CERT1: variants seen among roughly 807,000 people sequenced by gnomAD.
The protein encoded by CERT1 is ceramide transporter 1.
In CERT1, 31 loss-of-function variants were observed where a neutral mutation model predicts 87.9. The ratio of observed to expected loss-of-function variants is 0.35; its 90% CI spans 0.27 to 0.48. The LOEUF (loss-of-function observed/expected upper bound fraction) is 0.48, where lower values mean the gene tolerates loss of function less well. CERT1 is among the 20% of genes least tolerant of loss of function. CERT1 has a pLI of 0.99. For synonymous variants in CERT1, 289 were observed against 250.9 expected (o/e 1.15, Z -1.44); for missense variants, 487 against 758.0 (o/e 0.64, Z 4.20).
At chr5:75,490,046 G>C (rs1285474149) in intron 2 of CERT1, among the ~76,000 whole-genome samples, 1 of 152,198 alleles carries the variant, frequency 6.6e-6, no homozygotes, top group Non-Finnish European at 1.5e-5. Context: ...GTCCTTTGTA[G>C]GGACATGGAT....
chr5:75,487,417 G>T (rs1007543748), intron 2 of CERT1, among the ~76,000 whole-genome samples: 21 of 152,012 alleles, frequency 1.4e-4, no homozygotes, highest in African/African-American at 5.1e-4. Flanking sequence ...CATTGTACTG[G>T]TCAAAGATTT....
intron 9 of CERT1, 191 bp from the exon 10 acceptor site, chr5:75,400,488 T>C: frequency 1.9e-6 from 1 of 518,424 alleles, no homozygotes. Flanking sequence ...CAATTTAACC[T>C]CTTCTTTCTG....
At chr5:75,432,377 C>A (rs1222413053) in intron 3 of CERT1, among the ~76,000 whole-genome samples, 1 of 152,134 alleles carries the variant, frequency 6.6e-6, no homozygotes, top group Non-Finnish European at 1.5e-5. Context: ...TCTCTGCAAC[C>A]TCACCAACAT....
At chr5:75,426,293 C>A in intron 4 of CERT1, 78 bp downstream of exon 4, 2 of 909,714 alleles carry the variant, frequency 2.2e-6, no homozygotes, top group African/African-American at 1.7e-5. Context: ...AAAAAATTAT[C>A]ACATATGTTC....
chr5:75,511,347 G>T lies in CERT1; in HGVS notation c.-140C>A, dbSNP rs993938595. 5 of 1,543,300 alleles carry T rather than the reference G, an allele frequency of 3.2e-6. No individual in the cohort carries two copies. The East Asian group carries it at 9.8e-5, about 30-fold the overall frequency. The stretch of plus-strand genomic sequence containing the variant: ...CGGTGTGGGGGGGAGCAGGAGGAGG[G>T]ACGAAGTCCGCCCGCCGCGCCGCCG... On this transcript the variant is annotated 5_prime_UTR_variant, in exon 1 of 17. Coordinates refer to ENST00000643780, the MANE Select transcript of CERT1 (RefSeq NM_001379029.1).
intron 11 of CERT1, among the ~76,000 whole-genome samples, chr5:75,390,382 T>C (rs946348523): frequency 6.6e-6 from 1 of 152,214 alleles, no homozygotes; most frequent in African/African-American, 2.4e-5. Flanking sequence ...CTAATATTCA[T>C]ATATGCAAGC....
chr5:75,443,340 G>A (rs957251349), intron 3 of CERT1, among the ~76,000 whole-genome samples: 3 of 151,976 alleles, frequency 2.0e-5, no homozygotes, highest in African/African-American at 7.3e-5. Flanking sequence ...AGTGTTTATG[G>A]CTATATTTCT....
intron 5 of CERT1, among the ~76,000 whole-genome samples, chr5:75,421,541 AT>A (rs1049381581): frequency 1.3e-5 from 2 of 152,114 alleles, no homozygotes; most frequent in African/African-American, 4.8e-5. Context: ...GCATATCTTG[AT>A]TACCAGTGAA....
At chr5:75,380,286 C>T (rs1761509316) in intron 16 of CERT1, among the ~76,000 whole-genome samples, 1 of 152,070 alleles carries the variant, frequency 6.6e-6, no homozygotes, top group Non-Finnish European at 1.5e-5. Context: ...TAGGGAAACG[C>T]TGACTCAGAA....
chr5:75,414,438 C>T (rs1763060163), intron 7 of CERT1, among the ~76,000 whole-genome samples: 1 of 152,050 alleles, frequency 6.6e-6, no homozygotes, highest in Non-Finnish European at 1.5e-5. Flanking sequence ...AAATGCACAG[C>T]ACAGCAATAA....
chr5:75,501,770 A>G (rs1055790295), intron 2 of CERT1, among the ~76,000 whole-genome samples: 15 of 152,220 alleles, frequency 9.9e-5, no homozygotes, highest in Admixed American at 5.2e-4. Context: ...TAATGCTACC[A>G]GGATACATAA....
intron 3 of CERT1, among the ~76,000 whole-genome samples, chr5:75,438,838 G>T (rs1203067529): frequency 6.6e-6 from 1 of 151,682 alleles, no homozygotes; most frequent in Non-Finnish European, 1.5e-5. Context: ...AGCACTTACT[G>T]AAACACCTCC....
chr5:75,500,999 T>G (rs1767340061), intron 2 of CERT1, among the ~76,000 whole-genome samples: 1 of 151,798 alleles, frequency 6.6e-6, no homozygotes, highest in East Asian at 1.9e-4. Flanking sequence ...TTTTTGTTTT[T>G]TTTTTTTGAG....
intron 5 of CERT1, among the ~76,000 whole-genome samples, chr5:75,421,961 C>T (rs1394496306): frequency 6.6e-6 from 1 of 152,128 alleles, no homozygotes; most frequent in Non-Finnish European, 1.5e-5. Context: ...TTGTTTTCCC[C>T]TTTCTGCTGT....
chr5:75,459,427 A>G (rs547134008), intron 2 of CERT1, among the ~76,000 whole-genome samples: 11 of 152,354 alleles, frequency 7.2e-5, no homozygotes, highest in African/African-American at 2.6e-4. Context: ...TTTCTAAAAC[A>G]GAGCTGATAT....
intron 10 of CERT1, among the ~76,000 whole-genome samples, chr5:75,399,667 G>C (rs1762388153): frequency 6.6e-6 from 1 of 152,060 alleles, no homozygotes. Context: ...TAACTATTTT[G>C]GACTAGCCAC....
intron 8 of CERT1, among the ~76,000 whole-genome samples, chr5:75,405,678 T>C (rs910098242): frequency 1.3e-5 from 2 of 152,218 alleles, no homozygotes; most frequent in African/African-American, 2.4e-5. Flanking sequence ...GTGGTTTATA[T>C]ACAATAAGAT....
At chr5:75,458,450 A>G (rs967859991) in intron 3 of CERT1, among the ~76,000 whole-genome samples, 6 of 152,234 alleles carry the variant, frequency 3.9e-5, no homozygotes, top group Admixed American at 6.5e-5. Context: ...TTTTATTTAG[A>G]TCATTAAAAA....
intron 11 of CERT1, among the ~76,000 whole-genome samples, chr5:75,396,744 A>AC (rs1762271800): frequency 6.6e-6 from 1 of 151,622 alleles, no homozygotes; most frequent in South Asian, 2.1e-4. Context: ...AAAAAAAAAA[A>AC]ACAAAAAACA....
Sources: allele counts gnomAD v4.1 joint callset (sites outside exome capture counted in the v4.1 genomes callset), GRCh38; gene constraint gnomAD v4.1.1; transcripts MANE v1.5; gene names NCBI Gene and HGNC (gene_info 2026-07-23, HGNC 2026-07-21).